The following FANCL variants were observed in gnomAD, a reference collection of about 807,000 sequenced individuals.
FANCL encodes the protein FA complementation group L, also known as E3 ubiquitin-protein ligase FANCL.
FANCL carries 69 observed loss-of-function variants against 59.4 expected under a neutral mutation model. The ratio of observed to expected loss-of-function variants is 1.16; its 90% CI spans 0.96 to 1.42. The LOEUF is 1.42. Ranked by LOEUF, FANCL falls within the 40% of genes most tolerant of loss-of-function variation. The probability of loss-of-function intolerance (pLI) is 0.00; values close to 1 mark genes in which losing one functional copy is unlikely to be tolerated. For synonymous variants in FANCL, 180 were observed against 147.1 expected (o/e 1.22, Z -1.62); for missense variants, 519 against 447.2 (o/e 1.16, Z -1.45).
intron 5 of FANCL, among the ~76,000 whole-genome samples, chr2:58,208,038 G>A (rs1656086180): frequency 6.6e-6 from 1 of 152,306 alleles, no homozygotes; most frequent in East Asian, 1.9e-4. Flanking sequence ...TGGCCTTGGT[G>A]AAAGACAGAG....
intron 1 of FANCL, among the ~76,000 whole-genome samples, chr2:58,240,213 A>C (rs559441062): frequency 6.6e-6 from 1 of 152,164 alleles, no homozygotes; most frequent in Non-Finnish European, 1.5e-5. Flanking sequence ...GAATACTTCT[A>C]ATTGGAGAGG....
intron 5 of FANCL, among the ~76,000 whole-genome samples, chr2:58,212,049 T>C (rs541713091): frequency 9.4e-4 from 143 of 152,348 alleles, no homozygotes; most frequent in Non-Finnish European, 1.7e-3. Flanking sequence ...CCCACTCTAC[T>C]GGTACCAATT....
intron 7 of FANCL, among the ~76,000 whole-genome samples, chr2:58,197,659 A>T (rs955260879): frequency 4.6e-5 from 7 of 152,212 alleles, no homozygotes; most frequent in African/African-American, 1.7e-4. Context: ...GCGAAATTCA[A>T]CTGACAGAAG....
intron 11 of FANCL, among the ~76,000 whole-genome samples, chr2:58,162,532 G>A (rs993106054): frequency 1.3e-5 from 2 of 151,720 alleles, no homozygotes; most frequent in African/African-American, 2.4e-5. Context: ...CAAAAATACA[G>A]TACTGACAAG....
chr2:58,172,052 C>T (rs918087839), intron 7 of FANCL, among the ~76,000 whole-genome samples: 2 of 152,256 alleles, frequency 1.3e-5, no homozygotes, highest in Non-Finnish European at 2.9e-5. Flanking sequence ...GGGGGAGGGG[C>T]GCCCGCCATT....
At chr2:58,219,833 T>C (rs1428818082) in intron 5 of FANCL, among the ~76,000 whole-genome samples, 1 of 152,158 alleles carries the variant, frequency 6.6e-6, no homozygotes, top group African/African-American at 2.4e-5. Flanking sequence ...AAGCATGACT[T>C]TTCTAGCATC....
At chr2:58,181,745 T>C (rs1476245896) in intron 7 of FANCL, among the ~76,000 whole-genome samples, 1 of 151,854 alleles carries the variant, frequency 6.6e-6, no homozygotes, top group East Asian at 1.9e-4. Context: ...CAATGTTTCT[T>C]GTATGTCAGA....
intron 5 of FANCL, 42 bp downstream of exon 5, chr2:58,221,900 A>T (rs1358711673): frequency 7.3e-7 from 1 of 1,372,640 alleles, no homozygotes; most frequent in East Asian, 2.4e-5. Flanking sequence ...GTTAAAATAT[A>T]TAAAACAAAG....
Position 58,159,382 on chromosome 2 carries a change from T to C in FANCL, c.*383A>G. 1 of 1,610,494 alleles carries C rather than the reference T, an allele frequency of 6.2e-7. No individual in the cohort carries two copies. Among genetic ancestry groups the C allele is most frequent in the South Asian group, 1.1e-5 (1 of 90,542 alleles). On this transcript the variant is annotated 3_prime_UTR_variant, in exon 14 of 14. Coordinates refer to ENST00000233741, the MANE Select transcript of FANCL (RefSeq NM_018062.4). The stretch of plus-strand genomic sequence containing the variant: ...AAGGAGAAGACAGAAATATCAAGAG[T>C]CTCAAGAACCTTTGAATGAAGTAAA...
At chr2:58,216,807 T>C (rs1691764443) in intron 5 of FANCL, among the ~76,000 whole-genome samples, 1 of 151,854 alleles carries the variant, frequency 6.6e-6, no homozygotes, top group Non-Finnish European at 1.5e-5. Context: ...TACCTAGAGA[T>C]GTGGGGTAGT....
chr2:58,174,345 G>T (rs1375861378), intron 7 of FANCL, among the ~76,000 whole-genome samples: 1 of 152,078 alleles, frequency 6.6e-6, no homozygotes, highest in Non-Finnish European at 1.5e-5. Flanking sequence ...ATTTTTCTCA[G>T]CACCACACCA....
intron 4 of FANCL, 76 bp downstream of exon 4, chr2:58,226,652 G>C (rs918963695): frequency 1.5e-5 from 16 of 1,061,302 alleles, no homozygotes; most frequent in Admixed American, 7.6e-5. Flanking sequence ...AATAATGTCA[G>C]TTTTTAAAGG....
chr2:58,236,761 GAAGTA>G (rs1017963036), intron 1 of FANCL, among the ~76,000 whole-genome samples: 1 of 151,800 alleles, frequency 6.6e-6, no homozygotes, highest in African/African-American at 2.4e-5. Context: ...TTAAAATAAA[GAAGTA>G]AAGATAAACC....
chr2:58,211,746 A>G (rs531522271), intron 5 of FANCL, among the ~76,000 whole-genome samples: 3 of 152,216 alleles, frequency 2.0e-5, no homozygotes, highest in Non-Finnish European at 4.4e-5. Context: ...ATAGTTCCAC[A>G]TATCTCTAGG....
intron 7 of FANCL, among the ~76,000 whole-genome samples, chr2:58,178,314 T>G (rs1203806252): frequency 6.6e-6 from 1 of 152,022 alleles, no homozygotes; most frequent in African/African-American, 2.4e-5. Flanking sequence ...TCCCTGAACA[T>G]CAGTGTGAAA....
At chr2:58,163,582 T>C in intron 8 of FANCL, 65 bp from the exon 9 acceptor site, 6 of 1,010,454 alleles carry the variant, frequency 5.9e-6, no homozygotes, top group Non-Finnish European at 9.4e-6. Flanking sequence ...CAATAAAAAA[T>C]AAAGAGGTGT....
intron 7 of FANCL, among the ~76,000 whole-genome samples, chr2:58,179,045 AAGG>A (rs1384901105): frequency 6.6e-6 from 1 of 152,196 alleles, no homozygotes; most frequent in Non-Finnish European, 1.5e-5. Flanking sequence ...GGACCTCTTG[AAGG>A]AGAACTACAA....
intron 7 of FANCL, among the ~76,000 whole-genome samples, chr2:58,186,510 G>A (rs1474025720): frequency 6.6e-6 from 1 of 152,164 alleles, no homozygotes; most frequent in Non-Finnish European, 1.5e-5. Context: ...AAATAAGGAT[G>A]TGCTTTCAAG....
intron 7 of FANCL, among the ~76,000 whole-genome samples, chr2:58,172,868 C>A (rs575123869): frequency 6.6e-6 from 1 of 151,994 alleles, no homozygotes; most frequent in African/African-American, 2.4e-5. Context: ...AAACCAAAGG[C>A]GAAGAAGCTG....
Sources: allele counts gnomAD v4.1 joint callset (sites outside exome capture counted in the v4.1 genomes callset), GRCh38; gene constraint gnomAD v4.1.1; transcripts MANE v1.5; gene names NCBI Gene and HGNC (gene_info 2026-07-23, HGNC 2026-07-21).